Variants in TRIP12 observed in about 807,000 individuals in gnomAD.
The protein encoded by TRIP12 is thyroid hormone receptor interactor 12, also known as E3 ubiquitin-protein ligase TRIP12.
TRIP12 carries 25 observed loss-of-function variants against 244.2 expected under a neutral mutation model. That is an observed-to-expected ratio of 0.10 (90% CI 0.07 to 0.14). The LOEUF (loss-of-function observed/expected upper bound fraction) is 0.14. Among genes scored for constraint, TRIP12 ranks in the 10% least tolerant of loss-of-function variants. The pLI is 1.00. For missense variants in TRIP12, 1,677 were observed against 2,486.4 expected (o/e 0.67, Z 6.92); for synonymous variants, 905 against 873.1 (o/e 1.04, Z -0.64).
intron 38 of TRIP12, among the ~76,000 whole-genome samples, chr2:229,772,486 CAG>C (rs1276284546): frequency 1.3e-5 from 2 of 152,158 alleles, no homozygotes; most frequent in African/African-American, 2.4e-5. Context: ...ATTTTTGAGA[CAG>C]AGTCTCGCTC....
intron 7 of TRIP12, 96 bp downstream of exon 7, chr2:229,830,660 G>T: frequency 1.6e-6 from 2 of 1,287,242 alleles, no homozygotes; most frequent in South Asian, 1.4e-5. Flanking sequence ...GCTAGATTAT[G>T]GTCAAATGAA....
intron 8 of TRIP12, among the ~76,000 whole-genome samples, chr2:229,823,470 C>T (rs747069311): frequency 1.4e-4 from 22 of 151,780 alleles, no homozygotes; most frequent in Admixed American, 2.0e-4. Context: ...GTCAGGAAAT[C>T]GAGACCATCC....
Position 229,791,182 on chromosome 2 carries a change from T to G in TRIP12, c.4485A>C (p.Gln1495His). The G allele has an allele frequency of 6.2e-7, 1 of 1,614,168 alleles. No individual in the cohort carries two copies. Among genetic ancestry groups the G allele is most frequent in the East Asian group, 2.2e-5 (1 of 44,878 alleles). The change falls in exon 30 of 42, where the codon CAA becomes CAC. Residue 1495 changes from glutamine (Q) to histidine (H), a missense_variant. Transcript: ENST00000675903. ...TAGGGGAAGTTTTCGTTGGAGCTGT[T>G]TGGGCTCTTCCTCTTTTACCACCAA... ...DCVGGKRGRA[Q>H]TAPTKTSPRN...
chr2:229,860,188 C>G (rs1193429721), intron 3 of TRIP12, among the ~76,000 whole-genome samples: 1 of 152,068 alleles, frequency 6.6e-6, no homozygotes, highest in African/African-American at 2.4e-5. Flanking sequence ...TACGGCTCTC[C>G]AAACAAAAAT....
At chr2:229,866,025 C>T (rs2061459445) in intron 2 of TRIP12, among the ~76,000 whole-genome samples, 1 of 152,106 alleles carries the variant, frequency 6.6e-6, no homozygotes, top group Non-Finnish European at 1.5e-5. Context: ...TCCCATTTAG[C>T]AGGTGTGGAT....
At chr2:229,865,092 T>C (rs1041863595) in intron 2 of TRIP12, among the ~76,000 whole-genome samples, 2 of 152,132 alleles carry the variant, frequency 1.3e-5, no homozygotes, top group Non-Finnish European at 2.9e-5. Context: ...GTGGATTGCT[T>C]GAGCTCAGGA....
chr2:229,785,689 A>C, intron 34 of TRIP12, 68 bp downstream of exon 34: 1 of 1,429,988 alleles, frequency 7.0e-7, no homozygotes, highest in South Asian at 1.3e-5. Context: ...TAGTACCAAG[A>C]AACTCAAATA....
Position 229,792,032 on chromosome 2 carries a change from G to A in TRIP12, c.4249C>T (p.His1417Tyr). The A allele has an allele frequency of 1.2e-6, 2 of 1,614,058 alleles. No homozygotes were observed. Among genetic ancestry groups the A allele is most frequent in the Non-Finnish European group, 1.7e-6 (2 of 1,179,982 alleles). Residue 1417 changes from histidine (H) to tyrosine (Y), a missense_variant, in exon 29 of 42, where the codon CAC (histidine) becomes TAC (tyrosine). Physicochemically the swap from His to Tyr is moderately conservative, Grantham distance 83 (BLOSUM62 2). Around this residue, in one of 11 missense-constraint regions of TRIP12, gnomAD observed 265 missense variants for 370.8 expected, o/e 0.71. Transcript: ENST00000675903. ...AQFLNSGNVR[H>Y]RLQFYIGEHL... is the part of the protein sequence containing the mutation. ...TCTCCAATATAAAACTGCAGCCTGT[G>A]TCTTACATTTCCTGAATTTAGGAAC...
rs1293140750 is a variant in TRIP12 at position 229,765,572 on chromosome 2, C to T, written c.*1982G>A. The T allele has an allele frequency of 6.6e-6, 1 of 152,184 alleles. No individual in the cohort carries two copies. The highest frequency in any genetic ancestry group is 1.5e-5 in the Non-Finnish European group (1 of 68,036). The allele number at this position is 152,184 out of a possible 1,614,324, so 9.4% of individuals were successfully genotyped here. A position where few individuals can be genotyped will look rare whatever the true frequency, so the allele number is the denominator to read the frequency against. On this transcript the variant is annotated 3_prime_UTR_variant, in exon 42 of 42. Coordinates refer to ENST00000675903, the MANE Select transcript of TRIP12 (RefSeq NM_001348323.3). ...ATCAATGAGGCCAAATTTGCCAGGG[C>T]TGCAACATGGATAAAATGTCAAGTA...
intron 8 of TRIP12, among the ~76,000 whole-genome samples, chr2:229,824,274 T>C (rs2050886014): frequency 6.6e-6 from 1 of 152,140 alleles, no homozygotes; most frequent in Admixed American, 6.5e-5. Flanking sequence ...AAAGTTAATA[T>C]TAGAGAAACA....
intron 2 of TRIP12, among the ~76,000 whole-genome samples, chr2:229,878,673 C>T (rs1310159814): frequency 1.3e-5 from 2 of 150,786 alleles, no homozygotes; most frequent in African/African-American, 2.4e-5. Flanking sequence ...CTCCGCCTCC[C>T]GGGTTCACGC....
rs189222223 is a variant in TRIP12 at position 229,782,688 on chromosome 2, T to G, written c.5094+3069A>C. ...TCATCAAGAAGGAGAAAATGCTTAATAAAATGAATGAAAAATCAAAGTCAT... is the reference window on the plus strand; with the variant it reads ...TCATCAAGAAGGAGAAAATGCTTAAGAAAATGAATGAAAAATCAAAGTCAT... On this transcript the variant is annotated intron_variant, in intron 34 of 41. Coordinates refer to ENST00000675903, the MANE Select transcript of TRIP12 (RefSeq NM_001348323.3). Among the ~76,000 whole-genome samples the G allele has an allele frequency of 1.6e-4, 25 of 152,312 alleles. No individual in the cohort carries two copies. In the East Asian group the frequency reaches 4.8e-3, roughly 29 times the overall value.
At chr2:229,883,116 C>T (rs913650333) in intron 1 of TRIP12, among the ~76,000 whole-genome samples, 2 of 152,192 alleles carry the variant, frequency 1.3e-5, no homozygotes, top group Non-Finnish European at 2.9e-5. Flanking sequence ...AAGGGACCCT[C>T]GGAGATGATC....
intron 17 of TRIP12, among the ~76,000 whole-genome samples, chr2:229,806,570 T>C (rs945362848): frequency 2.0e-5 from 3 of 152,148 alleles, no homozygotes; most frequent in African/African-American, 4.8e-5. Context: ...AGTAAGCTAA[T>C]AGTGAAGGTG....
rs773295553 is a variant in TRIP12, at chr2:229,777,396, G to A, written c.5448C>T (p.Ile1816=). 17 of 1,613,784 alleles carry A rather than the reference G, an allele frequency of 1.1e-5. No homozygotes were observed. The highest frequency in any genetic ancestry group is 2.7e-5 in the African/African-American group (2 of 74,884). ...AAACTGATCTGGCTACAACTGGGTC[G>A]ATGTCAAACAAATCGTGTGATGTCA... ...TSLTSHDLFD[I]DPVVARSVYH... Residue 1816 remains isoleucine, a synonymous_variant, in exon 37 of 42, where the codon ATC becomes ATT. Coordinates refer to ENST00000675903, the MANE Select transcript of TRIP12 (RefSeq NM_001348323.3).
At chr2:229,772,285 C>T (rs2034634491) in intron 38 of TRIP12, among the ~76,000 whole-genome samples, 1 of 152,122 alleles carries the variant, frequency 6.6e-6, no homozygotes, top group South Asian at 2.1e-4. Flanking sequence ...AAATTATAAG[C>T]ATTAGTATAA....
At chr2:229,839,945 G>C (rs576234653) in intron 5 of TRIP12, among the ~76,000 whole-genome samples, 21 of 152,284 alleles carry the variant, frequency 1.4e-4, no homozygotes, top group Non-Finnish European at 2.5e-4. Flanking sequence ...AGATGGGAGA[G>C]AACACACATA....
chr2:229,862,873 C>A (rs1032224361), intron 2 of TRIP12, among the ~76,000 whole-genome samples: 1 of 152,132 alleles, frequency 6.6e-6, no homozygotes, highest in South Asian at 2.1e-4. Flanking sequence ...CTATATTATA[C>A]CACAAAAAGT....
At position 229,802,351 on chromosome 2, in the gene TRIP12, C is replaced by T; in HGVS notation, c.3107G>A (p.Ser1036Asn). 6.2e-7 allele frequency: 1 copy of T among 1,613,862 alleles called. No homozygotes were observed. The highest frequency in any genetic ancestry group is 8.5e-7 in the Non-Finnish European group (1 of 1,179,934). ...AGTGGCAGCTGTGGCTGTCCCACTGCTGACTGAAGTTGTGGATCCCATGGA... is the reference window on the plus strand; with the variant it reads ...AGTGGCAGCTGTGGCTGTCCCACTGTTGACTGAAGTTGTGGATCCCATGGA... ...SGSMGSTTSV[S>N]SGTATAATHA... The change falls in exon 21 of 42, where the codon AGC (serine) becomes AAC (asparagine). Residue 1036 changes from serine to asparagine, a missense_variant. This residue lies in a region of TRIP12 where 572 missense variants were observed against 867.8 expected (regional missense o/e 0.66). Coordinates refer to ENST00000675903, the MANE Select transcript of TRIP12 (RefSeq NM_001348323.3).
Sources: allele counts gnomAD v4.1 joint callset (sites outside exome capture counted in the v4.1 genomes callset), GRCh38; gene constraint gnomAD v4.1.1; regional missense constraint gnomAD v4.1.1; transcripts MANE v1.5; gene names NCBI Gene and HGNC (gene_info 2026-07-23, HGNC 2026-07-21).